ARHGAP12: variants seen among roughly 807,000 people sequenced by gnomAD.
ARHGAP12 encodes Rho GTPase activating protein 12, also known as rho GTPase-activating protein 12.
ARHGAP12 carries 64 observed loss-of-function variants against 108.6 expected under a neutral mutation model. That is an observed-to-expected ratio of 0.59 (90% CI 0.48 to 0.73). The LOEUF is 0.73. Among genes scored for constraint, ARHGAP12 ranks in the 30% least tolerant of loss-of-function variants. The pLI, the probability that ARHGAP12 is intolerant of heterozygous loss-of-function variation, is 0.00. For synonymous variants in ARHGAP12, 312 were observed against 337.2 expected, an observed-to-expected ratio of 0.93 and a Z score of 0.82; for missense variants, 940 against 1,005.9, an observed-to-expected ratio of 0.93 and a Z score of 0.89.
chr10:31,900,239 C>G (rs1838863694), intron 3 of ARHGAP12, among the ~76,000 whole-genome samples: 2 of 152,186 alleles, frequency 1.3e-5, no homozygotes, highest in Admixed American at 6.5e-5. Flanking sequence ...TGTGGTACAA[C>G]TCTCATCCAT....
intron 3 of ARHGAP12, among the ~76,000 whole-genome samples, chr10:31,890,998 A>G (rs1838404503): frequency 6.6e-6 from 1 of 152,206 alleles, no homozygotes; most frequent in African/African-American, 2.4e-5. Context: ...TAAACACAAT[A>G]AACACCTCTA....
chr10:31,878,918 G>C (rs1837835943), intron 3 of ARHGAP12, among the ~76,000 whole-genome samples: 1 of 152,154 alleles, frequency 6.6e-6, no homozygotes, highest in South Asian at 2.1e-4. Flanking sequence ...TTCTTCCAAA[G>C]TAATTCCTTC....
chr10:31,891,476 G>C (rs1838429913), intron 3 of ARHGAP12, among the ~76,000 whole-genome samples: 1 of 152,138 alleles, frequency 6.6e-6, no homozygotes, highest in Non-Finnish European at 1.5e-5. Context: ...GCTTCCCTTT[G>C]TGGGTAACCC....
rs1229105774 is a variant in ARHGAP12, at chr10:31,866,870, G to A, written c.685-5212C>T. On this transcript the variant is annotated intron_variant, in intron 3 of 19. Transcript: ENST00000344936. ...TGACCTCAGGTGATCCACCCGCCTC[G>A]GCCTCCCAAAATGCTGGGATTAACA... is the stretch of plus-strand genomic sequence containing the variant. Among the ~76,000 whole-genome samples the A allele has an allele frequency of 4.0e-5, 6 of 151,838 alleles. No individual in the cohort carries two copies. In the East Asian group the frequency reaches 1.2e-3, roughly 29 times the overall value.
At chr10:31,893,812 C>CA (rs1488756702) in intron 3 of ARHGAP12, among the ~76,000 whole-genome samples, 2 of 152,252 alleles carry the variant, frequency 1.3e-5, no homozygotes, top group Admixed American at 1.3e-4. Flanking sequence ...AATTGTAGAC[C>CA]AATATCCCTG....
intron 3 of ARHGAP12, among the ~76,000 whole-genome samples, chr10:31,867,296 G>A (rs1837364729): frequency 6.6e-6 from 1 of 152,018 alleles, no homozygotes; most frequent in Non-Finnish European, 1.5e-5. Context: ...AAGAATAGAC[G>A]AGGACTCCGT....
chr10:31,884,770 A>G (rs1838129573), intron 3 of ARHGAP12, among the ~76,000 whole-genome samples: 1 of 152,162 alleles, frequency 6.6e-6, no homozygotes. Flanking sequence ...AAAAACTTTA[A>G]TATCACCACT....
intron 1 of ARHGAP12, among the ~76,000 whole-genome samples, chr10:31,918,315 T>TCACACACACACACACA (rs58245483): frequency 7.1e-6 from 1 of 139,964 alleles, no homozygotes; most frequent in African/African-American, 2.7e-5. Flanking sequence ...ATTAGGGAAA[T>TCACACACACACACACA]CACACACACA....
chr10:31,851,164 T>C (rs1384221628), intron 6 of ARHGAP12, among the ~76,000 whole-genome samples: 3 of 152,174 alleles, frequency 2.0e-5, no homozygotes, highest in Non-Finnish European at 4.4e-5. Flanking sequence ...GAAAACAGTA[T>C]TTTAAAAAAC....
intron 7 of ARHGAP12, among the ~76,000 whole-genome samples, chr10:31,841,378 A>G (rs1403393885): frequency 2.0e-5 from 3 of 152,166 alleles, no homozygotes; most frequent in Non-Finnish European, 2.9e-5. Context: ...TCCTTGACTT[A>G]TGATTGTTCA....
At chr10:31,884,749 A>G (rs1838129004) in intron 3 of ARHGAP12, among the ~76,000 whole-genome samples, 1 of 152,212 alleles carries the variant, frequency 6.6e-6, no homozygotes, top group African/African-American at 2.4e-5. Flanking sequence ...ATTAAGAACA[A>G]ACAACAAAAC....
At position 31,808,639 on chromosome 10, in the gene ARHGAP12, G is replaced by T; in HGVS notation, c.2366+10C>A. ...CTATACCACATCCCATGACTGGGCA[G>T]TCCTCCTACCTTCTGAGATGTCGGA... On this transcript the variant is annotated intron_variant, in intron 19 of 19. Coordinates refer to ENST00000344936, the MANE Select transcript of ARHGAP12 (RefSeq NM_018287.7). 1 of 1,612,494 alleles carries T rather than the reference G, an allele frequency of 6.2e-7. No individual in the cohort carries two copies. The highest frequency in any genetic ancestry group is 8.5e-7 in the Non-Finnish European group (1 of 1,178,784).
At chr10:31,845,366 G>A (rs144067515) in intron 6 of ARHGAP12, among the ~76,000 whole-genome samples, 7 of 152,112 alleles carry the variant, frequency 4.6e-5, no homozygotes, top group Admixed American at 2.0e-4. Flanking sequence ...GAATAGAAGC[G>A]TGATAGAAAT....
At chr10:31,848,641 G>A (rs1488675225) in intron 6 of ARHGAP12, among the ~76,000 whole-genome samples, 1 of 151,958 alleles carries the variant, frequency 6.6e-6, no homozygotes, top group Non-Finnish European at 1.5e-5. Context: ...TCATCTTGAA[G>A]ATTTCTAATT....
rs150271856 is a variant in ARHGAP12 at position 31,841,445 on chromosome 10, G to C, written c.1297-1734C>G. 3.4e-3 allele frequency among the ~76,000 whole-genome samples: 525 copies of C among 152,240 alleles called. 4 individuals are homozygous for C. The highest frequency in any genetic ancestry group is 0.012 in the African/African-American group (483 of 41,564). ...CACTAGAAAACATACTTGAAATTTT[G>C]ATCTTTTCCTGGGCTAACAATATTC... is the stretch of plus-strand genomic sequence containing the variant. On this transcript the variant is annotated intron_variant, in intron 7 of 19. Coordinates refer to ENST00000344936, the MANE Select transcript of ARHGAP12 (RefSeq NM_018287.7).
At chr10:31,827,068 T>C (rs1007055746) in intron 10 of ARHGAP12, 3 of 152,318 alleles carry the variant, frequency 2.0e-5, no homozygotes, top group East Asian at 1.9e-4. Flanking sequence ...TGGTATAATA[T>C]GGGGCTTTTA....
Position 31,805,679 on chromosome 10 carries a change from C to CACACACAT in ARHGAP12, c.*1978_*1979insATGTGTGT, listed in dbSNP as rs559591303. 6 of 151,928 alleles carry CACACACAT rather than the reference C, an allele frequency of 3.9e-5. No homozygotes were observed. Among genetic ancestry groups the CACACACAT allele is most frequent in the African/African-American group, 1.5e-4 (6 of 41,302 alleles). 9.4% of individuals were successfully genotyped at this position (151,928 alleles called of 1,614,324 possible). ...ACACACACACACACACACACACACA[C>CACACACAT]ACACACGTACCTTGAAACAAGAAAC... On this transcript the variant is annotated 3_prime_UTR_variant, in exon 20 of 20. Transcript: ENST00000344936.
intron 10 of ARHGAP12, among the ~76,000 whole-genome samples, chr10:31,828,568 G>A (rs1162719667): frequency 6.6e-6 from 1 of 152,024 alleles, no homozygotes; most frequent in Non-Finnish European, 1.5e-5. Flanking sequence ...TTTTCAAAAT[G>A]AGAAAAACTG....
intron 14 of ARHGAP12, among the ~76,000 whole-genome samples, chr10:31,814,050 C>T (rs1180675198): frequency 2.0e-5 from 3 of 152,046 alleles, no homozygotes; most frequent in Admixed American, 6.5e-5. Context: ...AATGTGATGC[C>T]ACAGGATGCA....
Sources: allele counts gnomAD v4.1 joint callset (sites outside exome capture counted in the v4.1 genomes callset), GRCh38; gene constraint gnomAD v4.1.1; transcripts MANE v1.5; gene names NCBI Gene and HGNC (gene_info 2026-07-23, HGNC 2026-07-21).